The following KAZN variants were observed in gnomAD, a reference collection of about 807,000 sequenced individuals.
KAZN encodes kazrin, periplakin interacting protein.
In KAZN, 40 loss-of-function variants were observed where a neutral mutation model predicts 87.4. The observed-to-expected ratio is 0.46, with a 90% CI of 0.36 to 0.60. KAZN has a LOEUF of 0.60. KAZN is among the 20% of genes least tolerant of loss of function. The pLI is 0.00. For synonymous variants in KAZN, 466 were observed against 458.3 expected (o/e 1.02, Z -0.22); for missense variants, 898 against 1,073.9 (o/e 0.84, Z 2.29).
At chr1:13,911,869 G>A (rs1333877509) in intron 1 of KAZN, among the ~76,000 whole-genome samples, 2 of 152,148 alleles carry the variant, frequency 1.3e-5, no homozygotes, top group Non-Finnish European at 2.9e-5. Context: ...GCCCCCAGAA[G>A]TCCCTTCTAG....
At chr1:14,185,539 T>C (rs1646285611) in intron 2 of KAZN, among the ~76,000 whole-genome samples, 1 of 152,234 alleles carries the variant, frequency 6.6e-6, no homozygotes, top group Non-Finnish European at 1.5e-5. Flanking sequence ...TTTCCATTCT[T>C]AGTTGCAAAA....
At chr1:14,096,382 C>T (rs180765601) in intron 1 of KAZN, among the ~76,000 whole-genome samples, 9 of 152,262 alleles carry the variant, frequency 5.9e-5, no homozygotes, top group East Asian at 1.9e-4. Context: ...GAGCACCTCC[C>T]GGGGGCTTAA....
chr1:13,906,176 T>C (rs1237923133), intron 1 of KAZN, among the ~76,000 whole-genome samples: 2 of 152,264 alleles, frequency 1.3e-5, no homozygotes, highest in Middle Eastern at 3.2e-3. Flanking sequence ...GGGATTAGGA[T>C]GTAAATGTCT....
chr1:14,562,009 G>A (rs988866077), intron 2 of KAZN, among the ~76,000 whole-genome samples: 2 of 152,142 alleles, frequency 1.3e-5, no homozygotes, highest in African/African-American at 4.8e-5. Flanking sequence ...AGGAACCTGG[G>A]AGACCCGTTT....
At chr1:14,388,484 T>A (rs890597071) in intron 2 of KAZN, among the ~76,000 whole-genome samples, 6 of 152,110 alleles carry the variant, frequency 3.9e-5, no homozygotes, top group African/African-American at 1.4e-4. Flanking sequence ...GCCAAAACAG[T>A]ACAGTACTGG....
intron 1 of KAZN, among the ~76,000 whole-genome samples, chr1:14,033,016 C>T (rs1168342445): frequency 6.6e-6 from 1 of 152,174 alleles, no homozygotes; most frequent in Non-Finnish European, 1.5e-5. Flanking sequence ...AGCATTTTCT[C>T]ACCTCTGGGC....
intron 2 of KAZN, among the ~76,000 whole-genome samples, chr1:14,317,966 C>T (rs1356263347): frequency 6.6e-6 from 1 of 151,980 alleles, no homozygotes; most frequent in African/African-American, 2.4e-5. Context: ...TATGCCTTAT[C>T]ATTTCATGTA....
intron 2 of KAZN, among the ~76,000 whole-genome samples, chr1:14,506,940 A>T (rs1372199720): frequency 6.6e-6 from 1 of 152,218 alleles, no homozygotes; most frequent in African/African-American, 2.4e-5. Context: ...AGGAAAGATT[A>T]GGCTGAGCCC....
chr1:14,174,495 A>G (rs192604115), intron 1 of KAZN, among the ~76,000 whole-genome samples: 305 of 152,318 alleles, frequency 2.0e-3, no homozygotes, highest in Non-Finnish European at 3.1e-3. Context: ...CGGATTATAC[A>G]AGGCAGGCTC....
At chr1:14,924,582 C>CGCGGGGCGGG (rs529495526) in intron 1 of KAZN, 5 of 1,006,498 alleles carry the variant, frequency 5.0e-6, no homozygotes, top group African/African-American at 3.5e-5. Context: ...GGTAGGTGCG[C>CGCGGGGCGGG]GCGGGGCGGG....
At chr1:14,169,437 A>G (rs1645903058) in intron 1 of KAZN, among the ~76,000 whole-genome samples, 2 of 152,024 alleles carry the variant, frequency 1.3e-5, no homozygotes, top group African/African-American at 4.8e-5. Context: ...GATTAGCCTC[A>G]CTGGGTGCCT....
rs148512329 is a variant in KAZN at position 14,232,535 on chromosome 1, C to T, written c.249+51943C>T. ...TAGGGGCCGACAAGGTCCCCTTTGT[C>T]TATATTCTCACTTTGCCTTCTCTTA... On this transcript the variant is annotated intron_variant, in intron 2 of 16. Coordinates refer to the KAZN transcript ENST00000636203. Among the ~76,000 whole-genome samples the T allele has an allele frequency of 3.3e-3, 495 of 152,224 alleles. 1 individual carries two copies. Among genetic ancestry groups the T allele is most frequent in the Non-Finnish European group, 5.4e-3 (366 of 68,006 alleles).
intron 2 of KAZN, among the ~76,000 whole-genome samples, chr1:14,530,618 C>T (rs1270582121): frequency 6.6e-6 from 1 of 152,162 alleles, no homozygotes; most frequent in African/African-American, 2.4e-5. Flanking sequence ...CCTGGCACCT[C>T]CTCCTCTCTC....
intron 4 of KAZN, among the ~76,000 whole-genome samples, chr1:15,050,716 G>A (rs1485332407): frequency 2.6e-5 from 4 of 152,202 alleles, no homozygotes; most frequent in Non-Finnish European, 4.4e-5. Flanking sequence ...TGAACCCAGA[G>A]TGGTGGGGGG....
At position 15,057,087 on chromosome 1, in the gene KAZN, G is replaced by C. The variant is rs111628967; in HGVS notation, c.916+807G>C. Among the ~76,000 whole-genome samples, 704 of 152,384 alleles carry C rather than the reference G, an allele frequency of 4.6e-3. 8 individuals are homozygous for C. Among genetic ancestry groups the C allele is most frequent in the African/African-American group, 0.016 (671 of 41,596 alleles). ...AGTCAGACACAGCCCTGACCTACAAGGGCCTGGCAGGCTGATCAGGGAGAT... is the reference window on the plus strand; with the variant it reads ...AGTCAGACACAGCCCTGACCTACAACGGCCTGGCAGGCTGATCAGGGAGAT... On this transcript the variant is annotated intron_variant, in intron 5 of 14. Coordinates refer to ENST00000376030, the MANE Select transcript of KAZN (RefSeq NM_201628.3).
At chr1:14,056,679 T>C (rs1307657245) in intron 1 of KAZN, among the ~76,000 whole-genome samples, 1 of 152,164 alleles carries the variant, frequency 6.6e-6, no homozygotes, top group Admixed American at 6.5e-5. Flanking sequence ...CGGAGGTGGT[T>C]TGTTCATGAT....
chr1:14,931,080 G>A (rs1659760254), intron 1 of KAZN, among the ~76,000 whole-genome samples: 1 of 152,204 alleles, frequency 6.6e-6, no homozygotes, highest in Admixed American at 6.5e-5. Flanking sequence ...CCGAGGCTGG[G>A]AAGGGACCAT....
intron 2 of KAZN, among the ~76,000 whole-genome samples, chr1:14,471,561 C>G (rs921154994): frequency 6.6e-6 from 1 of 152,130 alleles, no homozygotes. Flanking sequence ...CGTGACAATG[C>G]TGAACTGATG....
chr1:14,812,338 C>T (rs937818819), intron 1 of KAZN, among the ~76,000 whole-genome samples: 1 of 152,170 alleles, frequency 6.6e-6, no homozygotes, highest in Non-Finnish European at 1.5e-5. Flanking sequence ...TTGTACAGTG[C>T]ACATCTTGAG....
Sources: gnomAD v4.1 joint callset for allele counts (sites outside exome capture counted in the v4.1 genomes callset) on GRCh38, gnomAD v4.1.1 for gene constraint, MANE v1.5 for transcripts, NCBI Gene and HGNC (gene_info 2026-07-23, HGNC 2026-07-21) for gene names.